Variants in FBN2 observed in about 807,000 individuals in gnomAD.
FBN2 encodes fibrillin-2.
A neutral mutation model predicts 355.6 loss-of-function variants in FBN2; 105 were observed. That is an observed-to-expected ratio of 0.30 (90% CI 0.25 to 0.35). FBN2 has a LOEUF of 0.35. Ranked by LOEUF, FBN2 falls within the 10% of genes least tolerant of loss-of-function variation. The pLI, the probability that FBN2 is intolerant of heterozygous loss-of-function variation, is 1.00. For missense variants in FBN2, 3,280 were observed against 3,758.7 expected, an observed-to-expected ratio of 0.87 and a Z score of 3.33; for synonymous variants, 1,350 against 1,301.2, an observed-to-expected ratio of 1.04 and a Z score of -0.81.
chr5:128,448,313 T>TC (rs1326163199), intron 6 of FBN2, among the ~76,000 whole-genome samples: 3 of 151,866 alleles, frequency 2.0e-5, no homozygotes, highest in African/African-American at 7.3e-5. Flanking sequence ...TTTCTTTCTT[T>TC]TTTTTTTTTA....
At chr5:128,376,933 CA>C (rs1486644984) in intron 13 of FBN2, 80 bp from the exon 14 acceptor site, 2 of 1,539,964 alleles carry the variant, frequency 1.3e-6, no homozygotes, top group African/African-American at 2.7e-5. Context: ...AACCCCCAGT[CA>C]AATTCCACTA....
chr5:128,366,108 C>CAATG (rs1751759297), intron 17 of FBN2, among the ~76,000 whole-genome samples: 1 of 150,516 alleles, frequency 6.6e-6, no homozygotes, highest in Non-Finnish European at 1.5e-5. Flanking sequence ...TTTTCTTAAG[C>CAATG]AATGACTGAC....
At chr5:128,299,808 A>G (rs1749662629) in intron 48 of FBN2, among the ~76,000 whole-genome samples, 1 of 152,202 alleles carries the variant, frequency 6.6e-6, no homozygotes, top group African/African-American at 2.4e-5. Context: ...TGGGAGCTGT[A>G]GACCGGAGCT....
At chr5:128,328,958 T>C in intron 33 of FBN2, 137 bp from the exon 34 acceptor site, 2 of 864,922 alleles carry the variant, frequency 2.3e-6, no homozygotes, top group Non-Finnish European at 3.8e-6. Context: ...TCACATTCAC[T>C]TAAAGGAGGG....
chr5:128,368,851 T>C (rs1470192693), intron 16 of FBN2, among the ~76,000 whole-genome samples: 2 of 151,452 alleles, frequency 1.3e-5, no homozygotes, highest in African/African-American at 2.4e-5. Context: ...AGATTTTTTT[T>C]TTTTTTTTAC....
At chr5:128,428,222 T>G (rs1400938832) in intron 7 of FBN2, among the ~76,000 whole-genome samples, 1 of 152,154 alleles carries the variant, frequency 6.6e-6, no homozygotes. Context: ...CCTTATTATC[T>G]TGTTACTACC....
chr5:128,374,604 G>A, intron 15 of FBN2, 24 bp downstream of exon 15: 1 of 1,613,644 alleles, frequency 6.2e-7, no homozygotes, highest in Admixed American at 1.7e-5. Flanking sequence ...GCACAGTGGG[G>A]CCATTATAAA....
At chr5:128,458,944 A>G (rs1434700914) in intron 6 of FBN2, among the ~76,000 whole-genome samples, 1 of 152,096 alleles carries the variant, frequency 6.6e-6, no homozygotes, top group South Asian at 2.1e-4. Flanking sequence ...GAAATACCTA[A>G]GATCAGAGAA....
chr5:128,344,262 T>TAAAA, intron 25 of FBN2, 123 bp downstream of exon 25: 1 of 1,034,958 alleles, frequency 9.7e-7, no homozygotes, highest in Non-Finnish European at 1.5e-6. Context: ...AAAAAGAAAT[T>TAAAA]AATAAATAAA....
chr5:128,309,876 C>T (rs2126843571), intron 40 of FBN2, 107 bp downstream of exon 40: 1 of 1,270,828 alleles, frequency 7.9e-7, no homozygotes. Context: ...TATCTCAATT[C>T]ACGAAGACTG....
intron 5 of FBN2, among the ~76,000 whole-genome samples, chr5:128,515,097 C>G (rs781716977): frequency 2.0e-5 from 3 of 152,074 alleles, no homozygotes; most frequent in African/African-American, 7.2e-5. Context: ...TATTTCTAAA[C>G]GAACTTGAGT....
intron 7 of FBN2, among the ~76,000 whole-genome samples, chr5:128,413,207 A>C (rs142226303): frequency 6.6e-6 from 1 of 152,210 alleles, no homozygotes; most frequent in South Asian, 2.1e-4. Flanking sequence ...ACCAAGTATA[A>C]GGATTGCCTT....
chr5:128,282,269 T>G (rs1765568031), intron 55 of FBN2, among the ~76,000 whole-genome samples: 1 of 152,078 alleles, frequency 6.6e-6, no homozygotes, highest in East Asian at 1.9e-4. Flanking sequence ...TTTTCCTTTT[T>G]TAGAAAAAAA....
intron 6 of FBN2, among the ~76,000 whole-genome samples, chr5:128,461,616 A>G (rs1223387268): frequency 1.3e-5 from 2 of 152,226 alleles, no homozygotes; most frequent in African/African-American, 4.8e-5. Context: ...GCCATCAATG[A>G]TAAGACTGGA....
intron 49 of FBN2, among the ~76,000 whole-genome samples, 187 bp from the exon 50 acceptor site, chr5:128,291,071 T>C (rs1231623488): frequency 6.6e-6 from 1 of 152,210 alleles, no homozygotes; most frequent in African/African-American, 2.4e-5. Context: ...TTATTTAATA[T>C]GCTTAAAATA....
Position 128,361,837 on chromosome 5 carries a change from A to G in FBN2, c.2440T>C (p.Cys814Arg). The part of the protein sequence containing the change: ...SGRNCIDIDE[C>R]LVNRLLCDNG... ...TCACAAAGCAGTCTGTTTACTAAAC[A>G]TTCATCAATGTCTGAAAGCAACGAT... The change falls in exon 19 of 65, where the codon TGT becomes CGT. Residue 814 changes from cysteine to arginine, a missense_variant. Coordinates refer to ENST00000262464, the MANE Select transcript of FBN2 (RefSeq NM_001999.4). 1.2e-6 allele frequency: 2 copies of G among 1,614,136 alleles called. No homozygotes were observed. Among genetic ancestry groups the G allele is most frequent in the South Asian group, 1.1e-5 (1 of 91,080 alleles).
At chr5:128,493,166 A>T (rs1755556984) in intron 5 of FBN2, among the ~76,000 whole-genome samples, 1 of 152,152 alleles carries the variant, frequency 6.6e-6, no homozygotes, top group Non-Finnish European at 1.5e-5. Context: ...TGTACACAGT[A>T]AGTGTAATGA....
At chr5:128,500,370 G>C (rs1465713607) in intron 5 of FBN2, among the ~76,000 whole-genome samples, 2 of 145,702 alleles carry the variant, frequency 1.4e-5, no homozygotes, top group Non-Finnish European at 3.0e-5. Flanking sequence ...ACGGAAGAGT[G>C]TCATAACCCC....
At chr5:128,368,509 TA>T (rs1448347778) in intron 16 of FBN2, among the ~76,000 whole-genome samples, 2 of 134,236 alleles carry the variant, frequency 1.5e-5, no homozygotes, top group Non-Finnish European at 1.7e-5. Flanking sequence ...CATATATATA[TA>T]ATCAAATTGA....
Sources: gnomAD v4.1 joint callset for allele counts (sites outside exome capture counted in the v4.1 genomes callset) on GRCh38, gnomAD v4.1.1 for gene constraint, MANE v1.5 for transcripts, NCBI Gene and HGNC (gene_info 2026-07-23, HGNC 2026-07-21) for gene names.